SLIT3: variants seen among roughly 807,000 people sequenced by gnomAD.
SLIT3 encodes slit homolog 3 protein.
In SLIT3, 68 loss-of-function variants were observed where a neutral mutation model predicts 184.0. The ratio of observed to expected loss-of-function variants is 0.37; its 90% CI spans 0.30 to 0.45. The LOEUF (loss-of-function observed/expected upper bound fraction) is 0.45, where lower values mean the gene tolerates loss of function less well. SLIT3 is among the 20% of genes least tolerant of loss of function. SLIT3 has a pLI of 1.00. For synonymous variants in SLIT3, 831 were observed against 828.6 expected, an observed-to-expected ratio of 1.00 and a Z score of -0.05; for missense variants, 1,707 against 2,026.0, an observed-to-expected ratio of 0.84 and a Z score of 3.02.
Position 168,897,647 on chromosome 5 carries a change from T to TGCACACACACAC in SLIT3, c.414-14312_414-14311insGTGTGTGTGTGC, listed in dbSNP as rs3223457. Among the ~76,000 whole-genome samples the TGCACACACACAC allele has an allele frequency of 5.6e-3, 794 of 141,466 alleles. 12 individuals carry two copies. The highest frequency in any genetic ancestry group is 0.018 in the African/African-American group (709 of 38,564). 92.8% of individuals were successfully genotyped at this position (141,466 alleles called of 152,430 possible). ...GAAAGAGGATGGAGACAGGTGCACG[T>TGCACACACACAC]ACACACACACACACACACACACACA... On this transcript the variant is annotated intron_variant, in intron 4 of 35. Coordinates refer to ENST00000519560, the MANE Select transcript of SLIT3 (RefSeq NM_003062.4).
Position 169,236,916 on chromosome 5 carries a change from C to T in SLIT3, c.341+7789G>A, listed in dbSNP as rs116603246. ...CTGATGTCTCAAACTCTAGTCCATT[C>T]CCACATATTCTAGCTTTCTCCACTG... On this transcript the variant is annotated intron_variant, in intron 3 of 35. Transcript: ENST00000519560. Among the ~76,000 whole-genome samples the T allele has an allele frequency of 9.8e-3, 1,493 of 152,306 alleles. 20 individuals carry two copies. Among genetic ancestry groups the T allele is most frequent in the Middle Eastern group, 0.017 (5 of 294 alleles).
intron 4 of SLIT3, among the ~76,000 whole-genome samples, chr5:169,168,326 T>C (rs1581010903): frequency 6.6e-6 from 1 of 152,186 alleles, no homozygotes; most frequent in Non-Finnish European, 1.5e-5. Flanking sequence ...TAAAAGATAA[T>C]AAATATTCTA....
chr5:169,007,284 T>TTA (rs1755971233), intron 4 of SLIT3, among the ~76,000 whole-genome samples: 1 of 152,222 alleles, frequency 6.6e-6, no homozygotes, highest in Non-Finnish European at 1.5e-5. Flanking sequence ...AGGTATGTCT[T>TTA]TAAAGCAGTG....
intron 5 of SLIT3, among the ~76,000 whole-genome samples, chr5:168,851,611 G>C (rs1758682516): frequency 6.6e-6 from 1 of 152,070 alleles, no homozygotes. Flanking sequence ...TGCATCCTGT[G>C]GTCATCCCCA....
At chr5:169,036,957 T>TGAA (rs1413641592) in intron 4 of SLIT3, among the ~76,000 whole-genome samples, 1 of 152,194 alleles carries the variant, frequency 6.6e-6, no homozygotes, top group Admixed American at 6.5e-5. Context: ...AATATATCCC[T>TGAA]GAACCACAAC....
At chr5:168,734,192 A>G (rs1353741022) in intron 20 of SLIT3, among the ~76,000 whole-genome samples, 1 of 152,240 alleles carries the variant, frequency 6.6e-6, no homozygotes, top group Non-Finnish European at 1.5e-5. Context: ...TAAAAAGTCA[A>G]CTGACTGTAG....
At chr5:168,684,140 A>G in intron 31 of SLIT3, 44 bp from the exon 32 acceptor site, 1 of 1,499,594 alleles carries the variant, frequency 6.7e-7, no homozygotes, top group Non-Finnish European at 9.0e-7. Flanking sequence ...CTTACCTGAG[A>G]CTGAACCTTC....
intron 5 of SLIT3, among the ~76,000 whole-genome samples, chr5:168,850,478 T>C (rs1001154556): frequency 6.6e-6 from 1 of 152,262 alleles, no homozygotes; most frequent in African/African-American, 2.4e-5. Context: ...TACAAATATA[T>C]ATAACTGGTA....
At chr5:169,239,568 A>C (rs34016318) in intron 3 of SLIT3, among the ~76,000 whole-genome samples, 36,061 of 151,948 alleles carry the variant, frequency 0.24, 5,321 homozygotes, top group Non-Finnish European at 0.34. Flanking sequence ...CATTAAGATA[A>C]ACTTGTTCAA....
intron 4 of SLIT3, among the ~76,000 whole-genome samples, chr5:168,884,438 CACACACAGTGCTATACAT>C (rs1360362494): frequency 6.7e-6 from 1 of 149,232 alleles, no homozygotes; most frequent in Non-Finnish European, 1.5e-5. Flanking sequence ...CACACACACA[CACACACAGTGCTATACAT>C]ACACATTATT....
intron 4 of SLIT3, among the ~76,000 whole-genome samples, chr5:169,013,833 G>A (rs1009041399): frequency 6.6e-5 from 10 of 152,082 alleles, no homozygotes; most frequent in African/African-American, 1.9e-4. Context: ...TCACATTGTC[G>A]TATTTTCTCA....
At position 168,669,771 on chromosome 5, in the gene SLIT3, C is replaced by T. The variant is rs746034086; in HGVS notation, c.4336+12G>A. On this transcript the variant is annotated intron_variant, in intron 35 of 35. Transcript: ENST00000519560. ...CCCCACTTCCTCCCTCCCACAGGCA[C>T]AGTAGACCCACCTTGTTGGCAGTGC... 2.5e-6 allele frequency: 4 copies of T among 1,611,748 alleles called. No homozygotes were observed. The highest frequency in any genetic ancestry group is 2.2e-5 in the South Asian group (2 of 90,996).
At chr5:169,287,431 G>A (rs544377197) in intron 1 of SLIT3, among the ~76,000 whole-genome samples, 2 of 152,172 alleles carry the variant, frequency 1.3e-5, no homozygotes, top group East Asian at 1.9e-4. Flanking sequence ...TTCCCAGATT[G>A]GCAGAGGCTT....
chr5:169,025,698 G>A (rs1340185331), intron 4 of SLIT3, among the ~76,000 whole-genome samples: 1 of 152,144 alleles, frequency 6.6e-6, no homozygotes. Flanking sequence ...GTCATGGTAT[G>A]CAAATAATTA....
intron 5 of SLIT3, among the ~76,000 whole-genome samples, chr5:168,845,177 G>C (rs1321714809): frequency 6.6e-6 from 1 of 152,080 alleles, no homozygotes; most frequent in African/African-American, 2.4e-5. Context: ...AAGGGTGCAT[G>C]GGGAATATAC....
At position 168,856,766 on chromosome 5, in the gene SLIT3, CGTGTGTGTGTGTGT is replaced by C. The variant is rs372608852; in HGVS notation, c.486-12125_486-12112del. ...TTTGCATTTCAGAAGCTGAGTTCCT[CGTGTGTGTGTGTGT>C]GTGTGTGTGTGTGTGTGTGTGTGTG... On this transcript the variant is annotated intron_variant, in intron 5 of 35. Transcript: ENST00000519560. Among the ~76,000 whole-genome samples, 28 of 132,932 alleles carry C rather than the reference CGTGTGTGTGTGTGT, an allele frequency of 2.1e-4. No homozygotes were observed. In the South Asian group the frequency reaches 4.8e-3, roughly 23 times the overall value. 87.2% of individuals were successfully genotyped at this position (132,932 alleles called of 152,430 possible).
At chr5:168,672,305 T>TC (rs1259072756) in intron 33 of SLIT3, among the ~76,000 whole-genome samples, 1 of 152,056 alleles carries the variant, frequency 6.6e-6, no homozygotes, top group Non-Finnish European at 1.5e-5. Flanking sequence ...AACAACACCC[T>TC]CTTCTGGGCC....
At chr5:168,717,667 CTTT>C (rs753109811) in intron 23 of SLIT3, among the ~76,000 whole-genome samples, 1 of 146,458 alleles carries the variant, frequency 6.8e-6, no homozygotes, top group Admixed American at 6.8e-5. Flanking sequence ...TCTGTCTTTT[CTTT>C]TTTTTTTTGA....
intron 23 of SLIT3, among the ~76,000 whole-genome samples, chr5:168,716,670 G>A (rs1361191089): frequency 2.0e-5 from 3 of 152,154 alleles, no homozygotes; most frequent in African/African-American, 4.8e-5. Context: ...TTGGCAGAGC[G>A]GTCAGCGCCT....
Sources: gnomAD v4.1 joint callset for allele counts (sites outside exome capture counted in the v4.1 genomes callset) on GRCh38, gnomAD v4.1.1 for gene constraint, MANE v1.5 for transcripts, NCBI Gene and HGNC (gene_info 2026-07-23, HGNC 2026-07-21) for gene names.